Variants in NALCN observed in about 807,000 individuals in gnomAD.
NALCN encodes sodium leak channel NALCN.
A neutral mutation model predicts 225.3 loss-of-function variants in NALCN; 111 were observed. That is an observed-to-expected ratio of 0.49 (90% CI 0.42 to 0.58). The LOEUF (loss-of-function observed/expected upper bound fraction) is 0.58, where lower values mean the gene tolerates loss of function less well. Among genes scored for constraint, NALCN ranks in the 20% least tolerant of loss-of-function variants. The pLI, the probability that NALCN is intolerant of heterozygous loss-of-function variation, is 0.00. For synonymous variants in NALCN, 764 were observed against 769.0 expected, an observed-to-expected ratio of 0.99 and a Z score of 0.11; for missense variants, 1,378 against 2,202.4, an observed-to-expected ratio of 0.63 and a Z score of 7.49.
chr13:101,346,079 CTCTCTCTCTATATA>C (rs2045719717), intron 6 of NALCN, among the ~76,000 whole-genome samples: 1 of 92,756 alleles, frequency 1.1e-5, no homozygotes, highest in Non-Finnish European at 2.2e-5. Context: ...CTCTCTCTCT[CTCTCTCTCTATATA>C]TATATATATA....
At chr13:101,415,204 C>CATATATATATATATATATATATATAT (rs1566668976) in intron 1 of NALCN, among the ~76,000 whole-genome samples, 1 of 30,542 alleles carries the variant, frequency 3.3e-5, no homozygotes, top group Non-Finnish European at 7.1e-5. Flanking sequence ...ATACAAATCA[C>CATATATATATATATATATATATATAT]ACACATATAT....
chr13:101,145,441 C>T (rs2037301120), intron 15 of NALCN, among the ~76,000 whole-genome samples: 2 of 152,170 alleles, frequency 1.3e-5, no homozygotes, highest in South Asian at 4.2e-4. Flanking sequence ...GCGAGTTTTC[C>T]ATTTGGCTGC....
intron 15 of NALCN, among the ~76,000 whole-genome samples, chr13:101,167,108 A>C (rs1190837622): frequency 6.6e-6 from 1 of 152,094 alleles, no homozygotes; most frequent in African/African-American, 2.4e-5. Context: ...CACTGTTTTG[A>C]TTATTTTATC....
chr13:101,387,371 T>C (rs1357282266), intron 3 of NALCN, among the ~76,000 whole-genome samples: 1 of 152,160 alleles, frequency 6.6e-6, no homozygotes, highest in East Asian at 1.9e-4. Context: ...TGACTATTCC[T>C]TAGAAATATT....
intron 6 of NALCN, among the ~76,000 whole-genome samples, chr13:101,360,746 C>T (rs1028531268): frequency 4.6e-5 from 7 of 152,050 alleles, no homozygotes; most frequent in Admixed American, 2.6e-4. Flanking sequence ...GATGGTTGTC[C>T]GTCCCAGAAA....
rs115825322 is a variant in NALCN, at chr13:101,254,570, G to A, written c.1266+3873C>T. Reference sequence around the variant, plus strand: ...AGGATTTCAAGTTAGTTTTTAGCTGGTTAACTGATTTGCCGCTTTGTTAAG... The same window carrying A: ...AGGATTTCAAGTTAGTTTTTAGCTGATTAACTGATTTGCCGCTTTGTTAAG... On this transcript the variant is annotated intron_variant, in intron 11 of 43. Transcript: ENST00000251127. Among the ~76,000 whole-genome samples the A allele has an allele frequency of 3.6e-3, 546 of 151,846 alleles. 5 individuals are homozygous for A. Among genetic ancestry groups the A allele is most frequent in the African/African-American group, 0.012 (489 of 41,412 alleles).
At chr13:101,199,892 G>A (rs570219542) in intron 13 of NALCN, among the ~76,000 whole-genome samples, 1 of 152,194 alleles carries the variant, frequency 6.6e-6, no homozygotes, top group Admixed American at 6.5e-5. Context: ...AAAAGAGCCA[G>A]AGCACTGCAC....
intron 12 of NALCN, among the ~76,000 whole-genome samples, chr13:101,231,494 TAA>T (rs1327020583): frequency 6.6e-6 from 1 of 152,166 alleles, no homozygotes; most frequent in African/African-American, 2.4e-5. Flanking sequence ...AACTTTTCAT[TAA>T]GTCTAAGATG....
chr13:101,416,090 C>T (rs2139577530), intron 1 of NALCN, among the ~76,000 whole-genome samples: 1 of 152,010 alleles, frequency 6.6e-6, no homozygotes, highest in East Asian at 2.0e-4. Flanking sequence ...CCGGCAAGGA[C>T]CCCACCGCCC....
intron 6 of NALCN, among the ~76,000 whole-genome samples, chr13:101,360,623 T>A (rs759121061): frequency 7.2e-5 from 11 of 152,152 alleles, no homozygotes; most frequent in Non-Finnish European, 1.5e-4. Flanking sequence ...TGAGGGATTT[T>A]AAAAGTGCCA....
intron 7 of NALCN, among the ~76,000 whole-genome samples, chr13:101,309,799 A>C (rs1183670359): frequency 6.6e-6 from 1 of 152,222 alleles, no homozygotes; most frequent in Non-Finnish European, 1.5e-5. Context: ...TGTAGTTTTC[A>C]TTATTCAATC....
At chr13:101,214,545 T>A (rs1391872040) in intron 13 of NALCN, among the ~76,000 whole-genome samples, 1 of 151,970 alleles carries the variant, frequency 6.6e-6, no homozygotes, top group Non-Finnish European at 1.5e-5. Flanking sequence ...TGGAAAAAAA[T>A]GATTCAAAAA....
At chr13:101,322,709 T>TTTATTTA in intron 7 of NALCN, among the ~76,000 whole-genome samples, 1 of 152,204 alleles carries the variant, frequency 6.6e-6, no homozygotes, top group Non-Finnish European at 1.5e-5. Flanking sequence ...CTAAGCGTGG[T>TTTATTTA]TTTTTTATTT....
In NALCN at chr13:101,201,391, T is replaced by C. The variant is rs539557189; in HGVS notation, c.1627-9337A>G. ...AAATCAAAGACATCTACTTTCTGTC[T>C]CTATGGCTTTTTGTACTCTGGATAT... On this transcript the variant is annotated intron_variant, in intron 13 of 43. Transcript: ENST00000251127. 2.6e-5 allele frequency among the ~76,000 whole-genome samples: 4 copies of C among 152,290 alleles called. No individual in the cohort carries two copies. In the East Asian group the frequency reaches 7.7e-4, roughly 29 times the overall value.
chr13:101,402,112 C>T (rs61973734), intron 1 of NALCN, among the ~76,000 whole-genome samples: 10,132 of 152,158 alleles, frequency 0.067, 416 homozygotes, highest in Non-Finnish European at 0.093. Context: ...TAGGAAATTG[C>T]TCCTGTGTAT....
intron 7 of NALCN, among the ~76,000 whole-genome samples, chr13:101,343,259 G>A (rs540525312): frequency 3.4e-4 from 51 of 152,124 alleles, no homozygotes; most frequent in Admixed American, 9.8e-4. Flanking sequence ...ATTTAAAAAT[G>A]TTTTGGTTAT....
intron 2 of NALCN, among the ~76,000 whole-genome samples, chr13:101,397,878 G>A (rs956644512): frequency 3.3e-5 from 5 of 152,108 alleles, no homozygotes; most frequent in African/African-American, 1.2e-4. Flanking sequence ...TTCAGAGGAG[G>A]ATGCCAGAGG....
At chr13:101,116,968 C>A (rs367578840) in intron 18 of NALCN, 1 of 516,490 alleles carries the variant, frequency 1.9e-6, no homozygotes, top group Admixed American at 2.0e-5. Context: ...GAGACAACAG[C>A]GGATGCTAAT....
At chr13:101,060,060 A>G in intron 41 of NALCN, 93 bp from the exon 42 acceptor site, 7 of 1,428,462 alleles carry the variant, frequency 4.9e-6, no homozygotes, top group Non-Finnish European at 6.7e-6. Context: ...CCCCTCTCCT[A>G]AGACCTGCAT....
Sources: gnomAD v4.1 joint callset for allele counts (sites outside exome capture counted in the v4.1 genomes callset) on GRCh38, gnomAD v4.1.1 for gene constraint, MANE v1.5 for transcripts, NCBI Gene and HGNC (gene_info 2026-07-23, HGNC 2026-07-21) for gene names.